The following CACNA2D3 variants were observed in gnomAD, a reference collection of about 807,000 sequenced individuals.
The protein encoded by CACNA2D3 is voltage-dependent calcium channel subunit alpha-2/delta-3.
Under a neutral mutation model 160.6 loss-of-function variants are expected in CACNA2D3, and 60 were observed. The observed-to-expected ratio is 0.37, with a 90% CI of 0.30 to 0.46. The LOEUF (loss-of-function observed/expected upper bound fraction) is 0.46. Ranked by LOEUF, CACNA2D3 falls within the 20% of genes least tolerant of loss-of-function variation. The pLI is 1.00. For missense variants in CACNA2D3, 1,205 were observed against 1,365.0 expected (o/e 0.88, Z 1.85); for synonymous variants, 558 against 492.9 (o/e 1.13, Z -1.75).
intron 3 of CACNA2D3, among the ~76,000 whole-genome samples, chr3:54,321,492 T>C (rs1226240315): frequency 6.6e-6 from 1 of 152,162 alleles, no homozygotes; most frequent in Non-Finnish European, 1.5e-5. Flanking sequence ...AATCTTCTTA[T>C]ATATTTATAA....
intron 9 of CACNA2D3, among the ~76,000 whole-genome samples, chr3:54,605,393 G>C (rs1248190339): frequency 6.6e-6 from 1 of 151,930 alleles, no homozygotes; most frequent in Non-Finnish European, 1.5e-5. Context: ...TTATCCTATT[G>C]TGGACTCACC....
At chr3:54,808,619 C>G (rs1288860102) in intron 13 of CACNA2D3, among the ~76,000 whole-genome samples, 1 of 152,090 alleles carries the variant, frequency 6.6e-6, no homozygotes, top group Non-Finnish European at 1.5e-5. Flanking sequence ...GGGGCTTGGC[C>G]TCTTACCTAG....
chr3:55,070,583 G>A (rs1228712810), intron 35 of CACNA2D3, among the ~76,000 whole-genome samples: 2 of 152,150 alleles, frequency 1.3e-5, no homozygotes, highest in Non-Finnish European at 2.9e-5. Flanking sequence ...GCTTTGCAGA[G>A]GGACATTAAT....
chr3:54,667,468 G>C (rs1242497886), intron 11 of CACNA2D3, among the ~76,000 whole-genome samples: 1 of 152,142 alleles, frequency 6.6e-6, no homozygotes, highest in Non-Finnish European at 1.5e-5. Flanking sequence ...TAGATAAAGA[G>C]GTTTTCATTT....
At chr3:54,924,806 T>C in intron 27 of CACNA2D3, 1 of 1,613,926 alleles carries the variant, frequency 6.2e-7, no homozygotes, top group Non-Finnish European at 8.5e-7. Context: ...CTCCCAAGGA[T>C]GTGGGAAGGT....
intron 11 of CACNA2D3, among the ~76,000 whole-genome samples, chr3:54,713,022 A>G (rs1700981853): frequency 6.6e-6 from 1 of 152,130 alleles, no homozygotes; most frequent in Non-Finnish European, 1.5e-5. Context: ...TGCCCACCAT[A>G]CTACTCATAG....
At chr3:54,978,177 C>T (rs1291958179) in intron 29 of CACNA2D3, among the ~76,000 whole-genome samples, 1 of 152,190 alleles carries the variant, frequency 6.6e-6, no homozygotes, top group African/African-American at 2.4e-5. Context: ...CCTAACTCAT[C>T]CTGTGACACA....
At chr3:54,687,121 C>CTTTT (rs757838355) in intron 11 of CACNA2D3, among the ~76,000 whole-genome samples, 2,050 of 94,258 alleles carry the variant, frequency 0.022, 122 homozygotes, top group Non-Finnish European at 0.029. Context: ...TTTTCTTTTT[C>CTTTT]TTTTTTTTTT....
chr3:54,759,395 A>C (rs1360009417), intron 12 of CACNA2D3, among the ~76,000 whole-genome samples: 1 of 151,556 alleles, frequency 6.6e-6, no homozygotes, highest in Non-Finnish European at 1.5e-5. Context: ...GGAAGTGTCT[A>C]TGGTTACAGC....
chr3:54,310,404 G>T (rs1054254329), intron 2 of CACNA2D3, among the ~76,000 whole-genome samples: 2 of 152,152 alleles, frequency 1.3e-5, no homozygotes. Context: ...AGAAAACGAC[G>T]CTGTCTGTAA....
chr3:54,634,959 TA>T (rs1699332834), intron 10 of CACNA2D3, among the ~76,000 whole-genome samples: 2 of 151,894 alleles, frequency 1.3e-5, no homozygotes, highest in South Asian at 4.2e-4. Context: ...ATAAGAAAAA[TA>T]AAACAAGATA....
intron 6 of CACNA2D3, among the ~76,000 whole-genome samples, chr3:54,563,175 C>A (rs534725754): frequency 2.6e-5 from 4 of 152,272 alleles, no homozygotes; most frequent in South Asian, 4.2e-4. Context: ...TAGAATAATT[C>A]ACAGAGCTGT....
At chr3:54,543,705 C>G (rs1296425140) in intron 5 of CACNA2D3, among the ~76,000 whole-genome samples, 2 of 152,212 alleles carry the variant, frequency 1.3e-5, no homozygotes, top group Non-Finnish European at 1.5e-5. Flanking sequence ...TAGTCCTTGG[C>G]TCAGGACCTC....
At chr3:54,417,806 G>T (rs9846785) in intron 4 of CACNA2D3, among the ~76,000 whole-genome samples, 2 of 129,028 alleles carry the variant, frequency 1.6e-5, no homozygotes, top group African/African-American at 3.0e-5. Context: ...GGGGGGGGGG[G>T]TGGGGGGGTT....
chr3:54,469,499 C>G (rs563713326), intron 4 of CACNA2D3, among the ~76,000 whole-genome samples: 1 of 151,894 alleles, frequency 6.6e-6, no homozygotes, highest in Non-Finnish European at 1.5e-5. Flanking sequence ...GCTGAAAATT[C>G]CAAAAACCAG....
chr3:54,541,072 T>C (rs1575511807), intron 5 of CACNA2D3, among the ~76,000 whole-genome samples: 1 of 151,788 alleles, frequency 6.6e-6, no homozygotes, highest in African/African-American at 2.4e-5. Context: ...GGTCAGGATA[T>C]TGAGACCATC....
At chr3:54,305,999 A>G (rs761637996) in intron 2 of CACNA2D3, among the ~76,000 whole-genome samples, 8 of 152,202 alleles carry the variant, frequency 5.3e-5, no homozygotes, top group Non-Finnish European at 8.8e-5. Flanking sequence ...GCACCCATGA[A>G]GAAACACCTG....
At chr3:54,314,350 T>C (rs1703815525) in intron 2 of CACNA2D3, among the ~76,000 whole-genome samples, 1 of 152,228 alleles carries the variant, frequency 6.6e-6, no homozygotes, top group South Asian at 2.1e-4. Context: ...GATAGCGAAT[T>C]GTGCCACTAT....
chr3:54,327,190 C>T (rs542466864), intron 3 of CACNA2D3, among the ~76,000 whole-genome samples: 82 of 152,338 alleles, frequency 5.4e-4, no homozygotes, highest in African/African-American at 1.9e-3. Flanking sequence ...TTTGAGCCAA[C>T]CTGAGCCTCA....
Sources: gnomAD v4.1 joint callset for allele counts (sites outside exome capture counted in the v4.1 genomes callset) on GRCh38, gnomAD v4.1.1 for gene constraint, MANE v1.5 for transcripts, NCBI Gene and HGNC (gene_info 2026-07-23, HGNC 2026-07-21) for gene names.